TRAPPC9: variants seen among roughly 807,000 people sequenced by gnomAD.
TRAPPC9 encodes IKK2 binding protein.
Under a neutral mutation model 124.0 loss-of-function variants are expected in TRAPPC9, and 83 were observed. The observed-to-expected ratio is 0.67, with a 90% CI of 0.56 to 0.80. The LOEUF is 0.80. Among genes scored for constraint, TRAPPC9 ranks in the 30% least tolerant of loss-of-function variants. TRAPPC9 has a pLI of 0.00. For missense variants in TRAPPC9, 1,302 were observed against 1,508.3 expected, an observed-to-expected ratio of 0.86 and a Z score of 2.27; for synonymous variants, 638 against 617.5, an observed-to-expected ratio of 1.03 and a Z score of -0.49.
intron 7 of TRAPPC9, among the ~76,000 whole-genome samples, chr8:140,385,002 A>G (rs1310948507): frequency 2.0e-5 from 3 of 152,262 alleles, no homozygotes; most frequent in Non-Finnish European, 4.4e-5. Context: ...ACTAGAACTC[A>G]GGATTAAGAA....
chr8:140,361,101 A>G lies in TRAPPC9; in HGVS notation c.1352-908T>C, dbSNP rs573941032. ...AACCAACCACACAGACTGGCTAATCACTGCTCCAGCTGATCCAAAACTTAG... is the reference window on the plus strand; with the variant it reads ...AACCAACCACACAGACTGGCTAATCGCTGCTCCAGCTGATCCAAAACTTAG... On this transcript the variant is annotated intron_variant, in intron 8 of 22. Transcript: ENST00000438773. Among the ~76,000 whole-genome samples the G allele has an allele frequency of 2.7e-4, 41 of 152,354 alleles. No individual in the cohort carries two copies. In the South Asian group the frequency reaches 7.5e-3, roughly 28 times the overall value.
intron 19 of TRAPPC9, among the ~76,000 whole-genome samples, chr8:139,916,862 T>C (rs1832166603): frequency 6.6e-6 from 1 of 152,214 alleles, no homozygotes; most frequent in Non-Finnish European, 1.5e-5. Context: ...TCAACTGAAC[T>C]TTCATTGAGA....
intron 21 of TRAPPC9, among the ~76,000 whole-genome samples, chr8:139,838,313 T>G (rs1826491726): frequency 6.6e-6 from 1 of 152,218 alleles, no homozygotes; most frequent in Admixed American, 6.5e-5. Flanking sequence ...ATCGCTGAAG[T>G]GTGACATCCT....
In TRAPPC9 at chr8:139,890,885, A is replaced by T. The variant is rs1046229679; in HGVS notation, c.2965-4916T>A. Among the ~76,000 whole-genome samples, 18 of 151,914 alleles carry T rather than the reference A, an allele frequency of 1.2e-4. No individual in the cohort carries two copies. In the Middle Eastern group the frequency reaches 0.01, roughly 87 times the overall value. On this transcript the variant is annotated intron_variant, in intron 20 of 22. Coordinates refer to ENST00000438773, the MANE Select transcript of TRAPPC9 (RefSeq NM_001160372.4). ...ATTTAAAAATTTAAAAAAAAAAAAG[A>T]AAATATCTGTGGCTGTCTGTGCCTG...
rs1334041954 is a variant in TRAPPC9 at position 140,370,814 on chromosome 8, C to T, written c.1351+150G>A. 5 of 829,526 alleles carry T rather than the reference C, an allele frequency of 6.0e-6. No individual in the cohort carries two copies. In the East Asian group the frequency reaches 1.3e-4, roughly 22 times the overall value. The allele number at this position is 829,526 out of a possible 1,614,324, so 51.4% of individuals were successfully genotyped here. ...AGTACTTTTTCCTATAATCGGATTA[C>T]AGCAGGCACCCAACTCCAGGGCAGG... On this transcript the variant is annotated intron_variant, in intron 8 of 22. Coordinates refer to ENST00000438773, the MANE Select transcript of TRAPPC9 (RefSeq NM_001160372.4).
intron 17 of TRAPPC9, among the ~76,000 whole-genome samples, chr8:140,090,949 G>A (rs1171635962): frequency 6.6e-6 from 1 of 152,232 alleles, no homozygotes; most frequent in Non-Finnish European, 1.5e-5. Context: ...TGCTCCCAGA[G>A]ACTCGAGCGC....
intron 21 of TRAPPC9, among the ~76,000 whole-genome samples, chr8:139,863,078 A>C (rs917139255): frequency 2.0e-5 from 3 of 152,236 alleles, no homozygotes; most frequent in African/African-American, 7.2e-5. Flanking sequence ...CAGACTACTG[A>C]CAAAAGCTCA....
At chr8:139,901,795 G>A (rs567594662) in intron 20 of TRAPPC9, among the ~76,000 whole-genome samples, 6 of 152,206 alleles carry the variant, frequency 3.9e-5, no homozygotes, top group East Asian at 1.9e-4. Flanking sequence ...CCGTGCCCCC[G>A]GCTCTGCCAC....
At chr8:140,276,429 A>G (rs1203896181) in intron 14 of TRAPPC9, among the ~76,000 whole-genome samples, 2 of 152,140 alleles carry the variant, frequency 1.3e-5, no homozygotes, top group Non-Finnish European at 2.9e-5. Flanking sequence ...CCATCCTCAC[A>G]CCAGTCAGGT....
intron 21 of TRAPPC9, among the ~76,000 whole-genome samples, chr8:139,822,964 C>A (rs2130801377): frequency 6.6e-6 from 1 of 152,232 alleles, no homozygotes; most frequent in East Asian, 1.9e-4. Flanking sequence ...TGGCAGTCCG[C>A]TAACCTGCTG....
chr8:140,137,013 A>G lies in TRAPPC9; in HGVS notation c.2556+84446T>C, dbSNP rs114099790. 5.7e-3 allele frequency among the ~76,000 whole-genome samples: 873 copies of G among 152,272 alleles called. 10 individuals are homozygous for G. Among genetic ancestry groups the G allele is most frequent in the African/African-American group, 0.02 (823 of 41,546 alleles). On this transcript the variant is annotated intron_variant, in intron 17 of 22. Coordinates refer to ENST00000438773, the MANE Select transcript of TRAPPC9 (RefSeq NM_001160372.4). ...CAAAAATGCCCAACTAAGCTGCAGG[A>G]CTGGACAGGACAGAAATGACAAGAT...
intron 21 of TRAPPC9, among the ~76,000 whole-genome samples, chr8:139,861,047 G>A (rs541683389): frequency 3.3e-5 from 5 of 152,352 alleles, no homozygotes; most frequent in East Asian, 3.9e-4. Context: ...TCTGTCAGGC[G>A]GCATATGCTG....
At chr8:139,893,309 G>A (rs7817924) in intron 20 of TRAPPC9, among the ~76,000 whole-genome samples, 37,943 of 152,064 alleles carry the variant, frequency 0.25, 4,762 homozygotes, top group East Asian at 0.4. Context: ...CAGGCTCTGT[G>A]CCCAGCTCTT....
At chr8:140,144,491 C>A (rs891722626) in intron 17 of TRAPPC9, among the ~76,000 whole-genome samples, 1 of 151,668 alleles carries the variant, frequency 6.6e-6, no homozygotes, top group Non-Finnish European at 1.5e-5. Flanking sequence ...TTCATTCATT[C>A]ATTCATTCAT....
intron 18 of TRAPPC9, among the ~76,000 whole-genome samples, chr8:140,020,732 A>C (rs940354032): frequency 2.0e-5 from 3 of 152,234 alleles, no homozygotes; most frequent in Non-Finnish European, 4.4e-5. Context: ...TATTTTACCA[A>C]ATACTGAGAG....
chr8:139,926,753 TG>T (rs1832844492), intron 19 of TRAPPC9, among the ~76,000 whole-genome samples: 1 of 151,800 alleles, frequency 6.6e-6, no homozygotes, highest in South Asian at 2.1e-4. Flanking sequence ...ACCTCCTGAA[TG>T]GAGAACAGTA....
intron 21 of TRAPPC9, among the ~76,000 whole-genome samples, chr8:139,751,044 G>A (rs527280221): frequency 3.7e-4 from 56 of 152,302 alleles, no homozygotes; most frequent in African/African-American, 1.3e-3. Flanking sequence ...GCTGTGCCAG[G>A]GCAAGCCAGC....
chr8:140,064,305 G>A (rs1170967691), intron 17 of TRAPPC9, among the ~76,000 whole-genome samples: 6 of 152,080 alleles, frequency 3.9e-5, no homozygotes, highest in Non-Finnish European at 5.9e-5. Context: ...GACATTCATC[G>A]ATGTATACCT....
rs75417780 is a variant in TRAPPC9, at chr8:140,182,439, T to G, written c.2556+39020A>C. ...GAGAATGGCCGCTTCCCAAAGCTGT[T>G]ATTCGATAGACAGAAAACAGCTTCA... On this transcript the variant is annotated intron_variant, in intron 17 of 22. Transcript: ENST00000438773. The surrounding 1 kb of genome is among the most constrained non-coding windows in gnomAD (Gnocchi z 4.0). Among the ~76,000 whole-genome samples the G allele has an allele frequency of 9.2e-5, 14 of 152,284 alleles. No homozygotes were observed. In the East Asian group the frequency reaches 2.7e-3, roughly 29 times the overall value.
Sources: allele counts gnomAD v4.1 joint callset (sites outside exome capture counted in the v4.1 genomes callset), GRCh38; gene constraint gnomAD v4.1.1; non-coding constraint Gnocchi (gnomAD v3.1); transcripts MANE v1.5; gene names NCBI Gene and HGNC (gene_info 2026-07-23, HGNC 2026-07-21).